The following ZBTB16 variants were observed in gnomAD, a reference collection of about 807,000 sequenced individuals.
ZBTB16 encodes zinc finger and BTB domain-containing protein 16.
In ZBTB16, 8 loss-of-function variants were observed where a neutral mutation model predicts 56.8. The observed-to-expected ratio is 0.14, with a 90% confidence interval of 0.08 to 0.25. The LOEUF (loss-of-function observed/expected upper bound fraction) is 0.25. Ranked by LOEUF, ZBTB16 falls within the 10% of genes least tolerant of loss-of-function variation. ZBTB16 has a pLI of 1.00. For synonymous variants in ZBTB16, 363 were observed against 368.5 expected (o/e 0.98, Z 0.17); for missense variants, 625 against 903.0 (o/e 0.69, Z 3.95).
Position 114,242,223 on chromosome 11 carries a change from G to T in ZBTB16, c.1510G>T (p.Ala504Ser), listed in dbSNP as rs1565705590. 1 of 1,613,768 alleles carries T rather than the reference G, an allele frequency of 6.2e-7. No individual in the cohort carries two copies. The change falls in exon 5 of 7, where the codon GCA (alanine) becomes TCA (serine). Residue 504 changes from alanine to serine, a missense_variant. Physicochemically the swap from Ala to Ser is moderately conservative, Grantham distance 99. Coordinates refer to ENST00000335953, the MANE Select transcript of ZBTB16 (RefSeq NM_006006.6). The part of the protein sequence containing the change: ...LCGKRFQAQS[A>S]LQQHMEVHAG... ...TGGGAAGCGCTTCCAGGCGCAGAGC[G>T]CACTGCAGCAGCACATGGAGGTCCA...
chr11:114,156,262 G>A, intron 2 of ZBTB16, 75 bp from the exon 3 acceptor site: 1 of 1,477,760 alleles, frequency 6.8e-7, no homozygotes, highest in South Asian at 1.2e-5. Flanking sequence ...TGGCTGCCAA[G>A]CCCCCAGGTA....
chr11:114,221,444 T>G (rs191978893), intron 4 of ZBTB16, among the ~76,000 whole-genome samples: 1 of 152,198 alleles, frequency 6.6e-6, no homozygotes, highest in Non-Finnish European at 1.5e-5. Context: ...TCTTAAAGTT[T>G]AAAATTAAGT....
At chr11:114,177,265 G>A (rs1008320617) in intron 3 of ZBTB16, among the ~76,000 whole-genome samples, 17 of 152,200 alleles carry the variant, frequency 1.1e-4, no homozygotes, top group African/African-American at 2.7e-4. Context: ...CCTTAAAGCC[G>A]TCTCTGGATT....
At chr11:114,073,766 A>C (rs1273490177) in intron 2 of ZBTB16, among the ~76,000 whole-genome samples, 1 of 152,184 alleles carries the variant, frequency 6.6e-6, no homozygotes, top group Non-Finnish European at 1.5e-5. Context: ...ATTTTGATGA[A>C]GGGGGGACAT....
At chr11:114,120,416 T>G (rs962113285) in intron 2 of ZBTB16, among the ~76,000 whole-genome samples, 1 of 152,186 alleles carries the variant, frequency 6.6e-6, no homozygotes, top group Admixed American at 6.5e-5. Flanking sequence ...GCTTTGTTCA[T>G]CTTGAACTCC....
chr11:114,223,472 A>G (rs1944277031), intron 4 of ZBTB16, among the ~76,000 whole-genome samples: 1 of 152,212 alleles, frequency 6.6e-6, no homozygotes, highest in Non-Finnish European at 1.5e-5. Context: ...TTAATGGTGT[A>G]GGCTCTGAAA....
chr11:114,066,469 G>A (rs780673591), intron 2 of ZBTB16, among the ~76,000 whole-genome samples: 19 of 152,138 alleles, frequency 1.2e-4, no homozygotes, highest in Non-Finnish European at 2.2e-4. Context: ...TCATCTTTCC[G>A]GATGTGAATT....
In ZBTB16 at chr11:114,250,204, G is replaced by A; in HGVS notation, c.1793-122G>A. 9.2e-7 allele frequency: 1 copy of A among 1,081,890 alleles called. No individual in the cohort carries two copies. 67.0% of individuals were successfully genotyped at this position (1,081,890 alleles called of 1,614,324 possible). ...GGTGGTGCCTTCATTGTCCCAGAAA[G>A]TTCTGTTGGAGCAAGCCCAGCTGGA... On this transcript the variant is annotated intron_variant, in intron 6 of 6. Transcript: ENST00000335953. The surrounding 1 kb of genome is among the most constrained non-coding windows in gnomAD (Gnocchi z 6.0).
intron 2 of ZBTB16, among the ~76,000 whole-genome samples, chr11:114,135,201 G>A (rs1235986235): frequency 6.6e-6 from 1 of 152,162 alleles, no homozygotes; most frequent in African/African-American, 2.4e-5. Flanking sequence ...TGACTTGTGA[G>A]TCCCTCCGTG....
At chr11:114,074,391 G>T (rs902311359) in intron 2 of ZBTB16, among the ~76,000 whole-genome samples, 1 of 152,166 alleles carries the variant, frequency 6.6e-6, no homozygotes, top group Non-Finnish European at 1.5e-5. Context: ...GTGTTAATTT[G>T]GGGGAGCTTT....
chr11:114,250,900 G>A lies in ZBTB16; in HGVS notation c.*345G>A, dbSNP rs1944906660. Among the ~76,000 whole-genome samples, 1 of 152,286 alleles carries A rather than the reference G, an allele frequency of 6.6e-6. No homozygotes were observed. Among genetic ancestry groups the A allele is most frequent in the East Asian group, 1.9e-4 (1 of 5,164 alleles). ...TCCAGAAATGGAGGCTAGAAAGCAG[G>A]TGAGAGGTCCTCTGGTCAGAGCCAC... On this transcript the variant is annotated 3_prime_UTR_variant, in exon 7 of 7. Coordinates refer to ENST00000335953, the MANE Select transcript of ZBTB16 (RefSeq NM_006006.6). The surrounding 1 kb of genome is among the most constrained non-coding windows in gnomAD (Gnocchi z 6.0).
At chr11:114,084,055 G>T (rs1400736704) in intron 2 of ZBTB16, among the ~76,000 whole-genome samples, 2 of 152,188 alleles carry the variant, frequency 1.3e-5, no homozygotes, top group Non-Finnish European at 2.9e-5. Flanking sequence ...CATTGTTTAA[G>T]ATGTTATGTT....
In ZBTB16 at chr11:114,251,208, C is replaced by A. The variant is rs1944912073; in HGVS notation, c.*653C>A. Among the ~76,000 whole-genome samples the A allele has an allele frequency of 6.6e-6, 1 of 152,142 alleles. No individual in the cohort carries two copies. Among genetic ancestry groups the A allele is most frequent in the Non-Finnish European group, 1.5e-5 (1 of 68,016 alleles). On this transcript the variant is annotated 3_prime_UTR_variant, in exon 7 of 7. Transcript: ENST00000335953. ...TGCCCCTCCTCCAGCTCTTTGTTCC[C>A]AGCCTCCCCTTGACTCCTGTCCTCC...
chr11:114,229,288 A>G (rs1944390819), intron 4 of ZBTB16, among the ~76,000 whole-genome samples: 1 of 152,186 alleles, frequency 6.6e-6, no homozygotes, highest in Admixed American at 6.5e-5. Flanking sequence ...TCTGTTTACT[A>G]ATTATCCGTT....
At chr11:114,158,973 C>A (rs1466727078) in intron 3 of ZBTB16, among the ~76,000 whole-genome samples, 2 of 152,244 alleles carry the variant, frequency 1.3e-5, no homozygotes, top group African/African-American at 2.4e-5. Context: ...CAGCCAGGAG[C>A]CCCTGGCTCG....
At position 114,250,546 on chromosome 11, in the gene ZBTB16, C is replaced by T. The variant is rs775836725; in HGVS notation, c.2013C>T (p.Cys671=). 4 of 1,613,758 alleles carry T rather than the reference C, an allele frequency of 2.5e-6. No homozygotes were observed. The highest frequency in any genetic ancestry group is 3.4e-6 in the Non-Finnish European group (4 of 1,180,026). ...WRIEKTYLYL[C]YV is the part of the protein sequence containing the mutation. ...TAGAGAAGACGTACCTCTACCTGTGCTATGTGTGAAGGGAGGCCCGCGGCG... is the reference window on the plus strand; with the variant it reads ...TAGAGAAGACGTACCTCTACCTGTGTTATGTGTGAAGGGAGGCCCGCGGCG... Residue 671 remains cysteine, a synonymous_variant, in exon 7 of 7, where the codon TGC becomes TGT. Transcript: ENST00000335953. The surrounding 1 kb of genome is among the most constrained non-coding windows in gnomAD (Gnocchi z 6.0).
intron 1 of ZBTB16, among the ~76,000 whole-genome samples, chr11:114,062,074 C>T (rs1295732322): frequency 2.0e-5 from 3 of 151,796 alleles, no homozygotes; most frequent in South Asian, 2.1e-4. Flanking sequence ...CGACACCTTA[C>T]GTAAGTGTGT....
At chr11:114,215,896 C>T (rs557753170) in intron 4 of ZBTB16, among the ~76,000 whole-genome samples, 91 of 152,158 alleles carry the variant, frequency 6.0e-4, no homozygotes, top group Non-Finnish European at 4.3e-4. Flanking sequence ...TAGTCAGGGG[C>T]AGGAGCCTGG....
chr11:114,103,161 C>T (rs1940674230), intron 2 of ZBTB16, among the ~76,000 whole-genome samples: 1 of 152,148 alleles, frequency 6.6e-6, no homozygotes, highest in Non-Finnish European at 1.5e-5. Context: ...GCTGAGGGAG[C>T]CTTGAGGCCA....
Sources: gnomAD v4.1 joint callset for allele counts (sites outside exome capture counted in the v4.1 genomes callset) on GRCh38, gnomAD v4.1.1 for gene constraint, Gnocchi (gnomAD v3.1) non-coding constraint, MANE v1.5 for transcripts, NCBI Gene and HGNC (gene_info 2026-07-23, HGNC 2026-07-21) for gene names.